The following CDH12 variants were observed in gnomAD, a reference collection of about 807,000 sequenced individuals.
The protein encoded by CDH12 is cadherin-12.
In CDH12, 41 loss-of-function variants were observed where a neutral mutation model predicts 74.1. The observed-to-expected ratio is 0.55, with a 90% CI of 0.43 to 0.72. CDH12 has a LOEUF of 0.72. CDH12 is among the 30% of genes least tolerant of loss of function. The pLI, the probability that CDH12 is intolerant of heterozygous loss-of-function variation, is 0.00. For synonymous variants in CDH12, 399 were observed against 355.0 expected, an observed-to-expected ratio of 1.12 and a Z score of -1.39; for missense variants, 945 against 977.2, an observed-to-expected ratio of 0.97 and a Z score of 0.44.
rs575649126 is a variant in CDH12 at position 22,148,652 on chromosome 5, C to T, written c.-187+63846G>A. Reference sequence around the variant, plus strand: ...TCCTTCTGGAGCCTCTTAGGAAAAACCCATCTTATTCCTCTTTCCTAGCTT... The same window carrying T: ...TCCTTCTGGAGCCTCTTAGGAAAAATCCATCTTATTCCTCTTTCCTAGCTT... On this transcript the variant is annotated intron_variant, in intron 4 of 14. Coordinates refer to ENST00000382254, the MANE Select transcript of CDH12 (RefSeq NM_004061.5). Among the ~76,000 whole-genome samples, 704 of 152,264 alleles carry T rather than the reference C, an allele frequency of 4.6e-3. 3 individuals are homozygous for T. Among genetic ancestry groups the T allele is most frequent in the African/African-American group, 0.016 (676 of 41,554 alleles).
At chr5:21,897,748 G>C (rs1023607801) in intron 6 of CDH12, among the ~76,000 whole-genome samples, 2 of 152,072 alleles carry the variant, frequency 1.3e-5, no homozygotes, top group African/African-American at 4.8e-5. Context: ...ATATTTATCA[G>C]AGCTATTTTG....
chr5:22,653,690 G>A (rs1299905487), intron 1 of CDH12, among the ~76,000 whole-genome samples: 1 of 152,116 alleles, frequency 6.6e-6, no homozygotes, highest in East Asian at 1.9e-4. Flanking sequence ...GTTTAAAAAT[G>A]CAAATTAGAT....
At chr5:22,469,973 T>C (rs1318007286) in intron 2 of CDH12, among the ~76,000 whole-genome samples, 1 of 152,230 alleles carries the variant, frequency 6.6e-6, no homozygotes, top group Non-Finnish European at 1.5e-5. Context: ...ATGTCTTTTT[T>C]CTTCTTCTTC....
chr5:21,900,802 A>G (rs1753350376), intron 6 of CDH12, among the ~76,000 whole-genome samples: 1 of 152,218 alleles, frequency 6.6e-6, no homozygotes, highest in African/African-American at 2.4e-5. Flanking sequence ...AGGAACTTTG[A>G]TAGCGAATGC....
intron 6 of CDH12, among the ~76,000 whole-genome samples, chr5:21,924,178 T>C (rs1186653942): frequency 1.3e-5 from 2 of 152,150 alleles, no homozygotes; most frequent in African/African-American, 2.4e-5. Flanking sequence ...CCTGTTGAAT[T>C]GTGAGAGAAA....
Position 22,000,934 on chromosome 5 carries a change from TAATC to T in CDH12, c.232-25553_232-25550del, listed in dbSNP as rs199994859. 6.4e-3 allele frequency among the ~76,000 whole-genome samples: 981 copies of T among 152,290 alleles called. 34 individuals are homozygous for T. The East Asian group carries it at 0.09, about 14-fold the overall frequency. ...TACTTACATTATTAGAAAAAAGAAG[TAATC>T]AGTGCTGTAGAAAATTTCATTGATG... On this transcript the variant is annotated intron_variant, in intron 5 of 14. Coordinates refer to ENST00000382254, the MANE Select transcript of CDH12 (RefSeq NM_004061.5).
intron 1 of CDH12, among the ~76,000 whole-genome samples, chr5:22,624,271 A>G (rs1038707354): frequency 6.6e-6 from 1 of 152,210 alleles, no homozygotes; most frequent in African/African-American, 2.4e-5. Context: ...CATGTCTAAA[A>G]CACCAAAAGC....
chr5:22,820,599 C>T lies in CDH12; in HGVS notation c.-523+32459G>A, dbSNP rs1749648054. On this transcript the variant is annotated intron_variant, in intron 1 of 14. Transcript: ENST00000382254. ...TACAAACTACCATCAGAGAATACTA[C>T]AAACACCTCTACGCAAATAAACTAG... Among the ~76,000 whole-genome samples the T allele has an allele frequency of 3.3e-5, 5 of 152,160 alleles. No homozygotes were observed. In the South Asian group the frequency reaches 8.3e-4, roughly 25 times the overall value.
At chr5:22,709,580 C>A (rs969153701) in intron 1 of CDH12, among the ~76,000 whole-genome samples, 1 of 152,128 alleles carries the variant, frequency 6.6e-6, no homozygotes, top group African/African-American at 2.4e-5. Context: ...TATACATGGG[C>A]TATTTATAAA....
chr5:21,802,465 A>T (rs767828349), intron 9 of CDH12, 45 bp from the exon 10 acceptor site: 2 of 1,503,278 alleles, frequency 1.3e-6, no homozygotes, highest in South Asian at 2.3e-5. Context: ...TTTATATAGA[A>T]TGTGGCAGAA....
At chr5:22,285,037 A>C (rs1415200321) in intron 3 of CDH12, among the ~76,000 whole-genome samples, 1 of 151,924 alleles carries the variant, frequency 6.6e-6, no homozygotes, top group Non-Finnish European at 1.5e-5. Flanking sequence ...TCTATTATTG[A>C]GGCTAAAATA....
At chr5:22,227,099 G>A (rs555048853) in intron 3 of CDH12, among the ~76,000 whole-genome samples, 7 of 151,998 alleles carry the variant, frequency 4.6e-5, no homozygotes, top group Non-Finnish European at 8.8e-5. Flanking sequence ...AAGTTAACAC[G>A]TCTGGATTCA....
intron 3 of CDH12, among the ~76,000 whole-genome samples, chr5:22,291,134 T>G (rs1031647184): frequency 2.0e-5 from 3 of 152,148 alleles, no homozygotes; most frequent in African/African-American, 4.8e-5. Flanking sequence ...ATTATTTCAA[T>G]AGGAGCAGAA....
chr5:22,173,229 A>T (rs953368283), intron 4 of CDH12, among the ~76,000 whole-genome samples: 1 of 147,868 alleles, frequency 6.8e-6, no homozygotes, highest in Admixed American at 6.8e-5. Context: ...TTACATATAT[A>T]TGATTTGTTA....
At chr5:21,987,566 A>G (rs1757570477) in intron 5 of CDH12, among the ~76,000 whole-genome samples, 1 of 152,196 alleles carries the variant, frequency 6.6e-6, no homozygotes, top group Admixed American at 6.5e-5. Context: ...GAGACTTTTC[A>G]TAATCTTTCC....
rs141750856 is a variant in CDH12, at chr5:22,621,152, C to G, written c.-522-115788G>C. Among the ~76,000 whole-genome samples, 550 of 152,292 alleles carry G rather than the reference C, an allele frequency of 3.6e-3. 1 individual carries two copies. Among genetic ancestry groups the G allele is most frequent in the African/African-American group, 0.01 (423 of 41,576 alleles). Reference sequence around the variant, plus strand: ...TAGCCTCTTTGTTCATCTTCAAAGCCAGCAGCATAGCATCTACCAATCTCT... The same window carrying G: ...TAGCCTCTTTGTTCATCTTCAAAGCGAGCAGCATAGCATCTACCAATCTCT... On this transcript the variant is annotated intron_variant, in intron 1 of 14. Transcript: ENST00000382254.
At chr5:22,830,322 A>C (rs574072021) in intron 1 of CDH12, among the ~76,000 whole-genome samples, 1 of 152,200 alleles carries the variant, frequency 6.6e-6, no homozygotes, top group South Asian at 2.1e-4. Flanking sequence ...ATTTATAAAA[A>C]CCCTAAAATT....
At chr5:22,695,372 G>A (rs1742307086) in intron 1 of CDH12, among the ~76,000 whole-genome samples, 1 of 152,102 alleles carries the variant, frequency 6.6e-6, no homozygotes, top group African/African-American at 2.4e-5. Context: ...TATTGGGATT[G>A]CTGGGTCAAA....
At chr5:22,431,043 A>C (rs1373042966) in intron 2 of CDH12, among the ~76,000 whole-genome samples, 2 of 152,182 alleles carry the variant, frequency 1.3e-5, no homozygotes, top group Non-Finnish European at 2.9e-5. Context: ...TAGCCTTAAA[A>C]GCATGGTTAA....
Sources: gnomAD v4.1 joint callset for allele counts (sites outside exome capture counted in the v4.1 genomes callset) on GRCh38, gnomAD v4.1.1 for gene constraint, MANE v1.5 for transcripts, NCBI Gene and HGNC (gene_info 2026-07-23, HGNC 2026-07-21) for gene names.